CSMD1: variants seen among roughly 807,000 people sequenced by gnomAD.
The protein encoded by CSMD1 is CUB and Sushi multiple domains 1.
CSMD1 carries 213 observed loss-of-function variants against 417.5 expected under a neutral mutation model. The observed-to-expected ratio is 0.51, with a 90% CI of 0.46 to 0.57. CSMD1 has a LOEUF of 0.57. Ranked by LOEUF, CSMD1 falls within the 20% of genes least tolerant of loss-of-function variation. The pLI, the probability that CSMD1 is intolerant of heterozygous loss-of-function variation, is 0.00. For missense variants in CSMD1, 6,923 were observed against 4,529.7 expected, an observed-to-expected ratio of 1.53 and a Z score of -15.17; for synonymous variants, 2,862 against 1,736.8, an observed-to-expected ratio of 1.65 and a Z score of -16.11.
At chr8:3,550,349 C>T (rs149367313) in intron 10 of CSMD1, among the ~76,000 whole-genome samples, 2 of 152,290 alleles carry the variant, frequency 1.3e-5, no homozygotes, top group South Asian at 2.1e-4. Context: ...ATTCCTACTC[C>T]AGGGCCTTGA....
chr8:3,943,777 T>C (rs112930931), intron 5 of CSMD1, among the ~76,000 whole-genome samples: 2,403 of 152,060 alleles, frequency 0.016, 65 homozygotes, highest in African/African-American at 0.054. Flanking sequence ...TAAACCCAAA[T>C]TTAGGGACAG....
intron 3 of CSMD1, among the ~76,000 whole-genome samples, chr8:4,174,015 C>A (rs1797905851): frequency 6.6e-6 from 1 of 152,162 alleles, no homozygotes; most frequent in African/African-American, 2.4e-5. Context: ...GATCAATCAC[C>A]ATGGCCAAGG....
In CSMD1 at chr8:3,074,667, G is replaced by C. The variant is rs529394039; in HGVS notation, c.7474+12430C>G. Among the ~76,000 whole-genome samples, 40 of 152,286 alleles carry C rather than the reference G, an allele frequency of 2.6e-4. 1 individual carries two copies. The South Asian group carries it at 7.7e-3, about 29-fold the overall frequency. Reference sequence around the variant, plus strand: ...TGTTTCTGAATGAGTATGCATGTCTGCATTTTATCTAATAGTTAGAAACGA... The same window carrying C: ...TGTTTCTGAATGAGTATGCATGTCTCCATTTTATCTAATAGTTAGAAACGA... On this transcript the variant is annotated intron_variant, in intron 49 of 69. Transcript: ENST00000635120.
intron 2 of CSMD1, among the ~76,000 whole-genome samples, chr8:4,476,028 A>G (rs761316668): frequency 6.6e-6 from 1 of 152,110 alleles, no homozygotes; most frequent in Non-Finnish European, 1.5e-5. Context: ...GACAAAAGCA[A>G]TGTATTATTT....
chr8:3,399,259 T>C, intron 16 of CSMD1, 132 bp downstream of exon 16: 1 of 739,534 alleles, frequency 1.4e-6, no homozygotes. Context: ...TAAGTGCCTG[T>C]TTCTGGTAAA....
At position 4,646,213 on chromosome 8, in the gene CSMD1, G is replaced by A. The variant is rs182280557; in HGVS notation, c.86-8655C>T. Among the ~76,000 whole-genome samples the A allele has an allele frequency of 1.1e-3, 164 of 152,264 alleles. 1 individual carries two copies. The highest frequency in any genetic ancestry group is 5.8e-3 in the East Asian group (30 of 5,188). ...GAATTCTCTTCCTCTATGCATGGTA[G>A]AACTAATCTTTTTATTATATTTATT... is the stretch of plus-strand genomic sequence containing the variant. On this transcript the variant is annotated intron_variant, in intron 1 of 69. Transcript: ENST00000635120.
At chr8:3,882,701 G>C (rs920693895) in intron 5 of CSMD1, among the ~76,000 whole-genome samples, 1 of 152,160 alleles carries the variant, frequency 6.6e-6, no homozygotes, top group Non-Finnish European at 1.5e-5. Context: ...CAATGAAAAG[G>C]AACACATTAC....
chr8:3,612,457 C>A (rs975035106), intron 8 of CSMD1, among the ~76,000 whole-genome samples: 14 of 152,112 alleles, frequency 9.2e-5, no homozygotes, highest in Admixed American at 7.2e-4. Context: ...CCAACTTGAT[C>A]TAACTGACAT....
intron 5 of CSMD1, among the ~76,000 whole-genome samples, chr8:3,949,133 T>C (rs1236739839): frequency 6.6e-6 from 1 of 152,232 alleles, no homozygotes; most frequent in Non-Finnish European, 1.5e-5. Flanking sequence ...AAAATATGGA[T>C]GCATTGTGGA....
chr8:4,804,795 C>T (rs1475510596), intron 1 of CSMD1, among the ~76,000 whole-genome samples: 1 of 152,162 alleles, frequency 6.6e-6, no homozygotes, highest in Non-Finnish European at 1.5e-5. Context: ...ACAATTTATT[C>T]CTAGGGGACC....
intron 3 of CSMD1, among the ~76,000 whole-genome samples, chr8:4,321,682 A>G (rs1043790767): frequency 1.3e-5 from 2 of 152,216 alleles, no homozygotes; most frequent in African/African-American, 4.8e-5. Context: ...CAACATTCCT[A>G]AGATAGTGAT....
In CSMD1 at chr8:4,266,925, G is replaced by A. The variant is rs1804263459; in HGVS notation, c.415+153028C>T. Among the ~76,000 whole-genome samples, 2 of 103,608 alleles carry A rather than the reference G, an allele frequency of 1.9e-5. 1 individual carries two copies. Among genetic ancestry groups the A allele is most frequent in the South Asian group, 7.5e-4 (2 of 2,666 alleles). 68.0% of individuals were successfully genotyped at this position (103,608 alleles called of 152,430 possible). ...ACAAACTGATTAATAAAAACCAAAT[G>A]ACATTTAGTAAAATATCTATTATTG... On this transcript the variant is annotated intron_variant, in intron 3 of 69. Coordinates refer to ENST00000635120, the MANE Select transcript of CSMD1 (RefSeq NM_033225.6).
chr8:4,131,169 G>A (rs543113342), intron 3 of CSMD1, among the ~76,000 whole-genome samples: 14 of 152,254 alleles, frequency 9.2e-5, no homozygotes, highest in African/African-American at 3.1e-4. Context: ...AAAAGACTGA[G>A]AGTAGTACAT....
At chr8:4,693,698 C>T (rs774170833) in intron 1 of CSMD1, among the ~76,000 whole-genome samples, 1 of 151,808 alleles carries the variant, frequency 6.6e-6, no homozygotes, top group South Asian at 2.1e-4. Flanking sequence ...TGAGGTCTCC[C>T]TACGCTTCCC....
chr8:3,924,936 T>TCTTC (rs2129145972), intron 5 of CSMD1, among the ~76,000 whole-genome samples: 1 of 152,332 alleles, frequency 6.6e-6, no homozygotes, highest in East Asian at 1.9e-4. Context: ...TTTTTTTCTC[T>TCTTC]CTTCCTTGAA....
At chr8:4,066,206 T>C (rs1241101258) in intron 3 of CSMD1, among the ~76,000 whole-genome samples, 1 of 152,246 alleles carries the variant, frequency 6.6e-6, no homozygotes, top group East Asian at 1.9e-4. Flanking sequence ...CTGTTTCAAC[T>C]GCCAGTCATG....
chr8:4,149,775 T>C (rs1796471493), intron 3 of CSMD1, among the ~76,000 whole-genome samples: 2 of 152,226 alleles, frequency 1.3e-5, no homozygotes, highest in East Asian at 1.9e-4. Context: ...GGATGTGTCG[T>C]AGTTGCTTCA....
At chr8:4,898,615 T>C (rs554970585) in intron 1 of CSMD1, among the ~76,000 whole-genome samples, 5 of 152,280 alleles carry the variant, frequency 3.3e-5, no homozygotes, top group South Asian at 2.1e-4. Flanking sequence ...AACGACAGTG[T>C]CTGGAATGAA....
At chr8:3,674,638 T>C (rs1799277668) in intron 7 of CSMD1, among the ~76,000 whole-genome samples, 1 of 152,108 alleles carries the variant, frequency 6.6e-6, no homozygotes, top group Admixed American at 6.5e-5. Context: ...TTACAGATAA[T>C]AAAACTGAGT....
Sources: allele counts gnomAD v4.1 joint callset (sites outside exome capture counted in the v4.1 genomes callset), GRCh38; gene constraint gnomAD v4.1.1; transcripts MANE v1.5; gene names NCBI Gene and HGNC (gene_info 2026-07-23, HGNC 2026-07-21).